The following SEPSECS variants were observed in gnomAD, a reference collection of about 807,000 sequenced individuals.
The protein encoded by SEPSECS is O-phosphoseryl-tRNA(Sec) selenium transferase.
In SEPSECS, 42 loss-of-function variants were observed where a neutral mutation model predicts 52.1. The observed-to-expected ratio is 0.81, with a 90% CI of 0.63 to 1.04. The LOEUF (loss-of-function observed/expected upper bound fraction) is 1.04, where lower values mean the gene tolerates loss of function less well. Ranked by LOEUF, SEPSECS falls within the 50% of genes least tolerant of loss-of-function variation. The pLI, the probability that SEPSECS is intolerant of heterozygous loss-of-function variation, is 0.00. For missense variants in SEPSECS, 590 were observed against 610.6 expected, an observed-to-expected ratio of 0.97 and a Z score of 0.36; for synonymous variants, 216 against 211.4, an observed-to-expected ratio of 1.02 and a Z score of -0.19.
chr4:25,160,340 C>G lies in SEPSECS; in HGVS notation c.30G>C (p.Glu10Asp). 6.5e-7 allele frequency: 1 copy of G among 1,548,606 alleles called. No homozygotes were observed. Among genetic ancestry groups the G allele is most frequent in the Non-Finnish European group, 8.7e-7 (1 of 1,145,622 alleles). Residue 10 changes from glutamate to aspartate, a missense_variant, in exon 1 of 11, where the codon GAG becomes GAC. Physicochemically the swap from Glu to Asp is conservative, Grantham distance 45. Transcript: ENST00000382103. ...GCACGTAAGCCGGCGACACCAGCCG[C>G]TCTCCCGCCGCGAAGCTCTCGCGGT... MNRESFAAG[E>D]RLVSPAYVRQ... is the part of the protein sequence containing the mutation.
intron 8 of SEPSECS, 104 bp downstream of exon 8, chr4:25,144,670 G>A: frequency 2.4e-6 from 2 of 822,348 alleles, no homozygotes; most frequent in Non-Finnish European, 4.3e-6. Flanking sequence ...GACCATACTA[G>A]ATGTCTCCCT....
intron 8 of SEPSECS, among the ~76,000 whole-genome samples, chr4:25,129,284 T>G (rs1728514612): frequency 6.6e-6 from 1 of 152,066 alleles, no homozygotes; most frequent in African/African-American, 2.4e-5. Context: ...CAAATGTCAT[T>G]ATCATTTCCA....
rs573217542 is a variant in SEPSECS at position 25,122,450 on chromosome 4, A to T, written c.*1481T>A. The T allele has an allele frequency of 2.0e-4, 30 of 152,340 alleles. No homozygotes were observed. Among genetic ancestry groups the T allele is most frequent in the African/African-American group, 6.5e-4 (27 of 41,596 alleles). The allele number at this position is 152,340 out of a possible 1,614,324, so 9.4% of individuals were successfully genotyped here. On this transcript the variant is annotated 3_prime_UTR_variant, in exon 11 of 11. Coordinates refer to ENST00000382103, the MANE Select transcript of SEPSECS (RefSeq NM_016955.4). ...CAGCATTCTCTACCATAGTGTTTTT[A>T]AAAGTATGTTCAATGGGCTGTTAAC...
intron 6 of SEPSECS, among the ~76,000 whole-genome samples, chr4:25,145,761 CCAAA>C (rs1242817213): frequency 1.3e-5 from 2 of 152,088 alleles, no homozygotes; most frequent in Admixed American, 6.6e-5. Flanking sequence ...ATCCGAGTTG[CCAAA>C]CAGTTAATTA....
In SEPSECS at chr4:25,151,969, G is replaced by C. The variant is rs765512621; in HGVS notation, c.795C>G (p.Leu265=). The change falls in exon 6 of 11, where the codon CTC becomes CTG. Residue 265 remains leucine (L), a synonymous_variant. Coordinates refer to ENST00000382103, the MANE Select transcript of SEPSECS (RefSeq NM_016955.4). ...YGVQSSKCMH[L]IQQGARVGRI... ...TTTTAAACTCTCTTACCTGCTGAAT[G>C]AGATGCATACACTTTGAAGACTGCA... is the stretch of plus-strand genomic sequence containing the variant. 2 of 1,536,172 alleles carry C rather than the reference G, an allele frequency of 1.3e-6. No individual in the cohort carries two copies. Among genetic ancestry groups the C allele is most frequent in the Non-Finnish European group, 1.8e-6 (2 of 1,109,372 alleles).
intron 3 of SEPSECS, among the ~76,000 whole-genome samples, 194 bp downstream of exon 3, chr4:25,156,662 C>G (rs762802810): frequency 3.4e-4 from 45 of 132,874 alleles, no homozygotes; most frequent in African/African-American, 5.0e-4. Context: ...GAGCCGAGAT[C>G]GCGCCACTGC....
At chr4:25,144,668 T>C (rs1303973902) in intron 8 of SEPSECS, 106 bp downstream of exon 8, 32 of 814,724 alleles carry the variant, frequency 3.9e-5, no homozygotes, top group Non-Finnish European at 6.3e-5. Context: ...CGGACCATAC[T>C]AGATGTCTCC....
chr4:25,142,775 A>G (rs758968264), intron 8 of SEPSECS, among the ~76,000 whole-genome samples: 2 of 152,248 alleles, frequency 1.3e-5, no homozygotes, highest in African/African-American at 2.4e-5. Flanking sequence ...TGTCTAATTT[A>G]TATTACCAAT....
At chr4:25,144,581 G>A (rs922114803) in intron 8 of SEPSECS, among the ~76,000 whole-genome samples, 193 bp downstream of exon 8, 3 of 150,590 alleles carry the variant, frequency 2.0e-5, no homozygotes, top group South Asian at 2.1e-4. Flanking sequence ...CAGATTCCTC[G>A]TAATATCTGG....
intron 2 of SEPSECS, among the ~76,000 whole-genome samples, chr4:25,157,232 C>T (rs1462561504): frequency 6.6e-6 from 1 of 152,230 alleles, no homozygotes; most frequent in Non-Finnish European, 1.5e-5. Context: ...GCTACTCCCA[C>T]ACCAAGAGAT....
Position 25,159,110 on chromosome 4 carries a change from TAAA to T in SEPSECS, c.115-6_115-4del, listed in dbSNP as rs34423002. On this transcript the variant is annotated splice_region_variant and splice_polypyrimidine_tract_variant and intron_variant, in intron 1 of 10. Transcript: ENST00000382103. ...CAGCCATTCTCTGGACACTTGCCCTTAAAAAAAAAAAAAAACTTATGATTATAT... is the reference window on the plus strand; with the variant it reads ...CAGCCATTCTCTGGACACTTGCCCTTAAAAAAAAAAAACTTATGATTATAT... 3.4e-5 allele frequency: 49 copies of T among 1,462,092 alleles called. No individual in the cohort carries two copies. The highest frequency in any genetic ancestry group is 4.1e-5 in the Non-Finnish European group (45 of 1,086,852). 90.6% of individuals were successfully genotyped at this position (1,462,092 alleles called of 1,614,324 possible). A position where few individuals can be genotyped will look rare whatever the true frequency, so the allele number is the denominator to read the frequency against.
chr4:25,139,540 C>T (rs1728977729), intron 8 of SEPSECS, among the ~76,000 whole-genome samples: 1 of 152,018 alleles, frequency 6.6e-6, no homozygotes, highest in Admixed American at 6.6e-5. Flanking sequence ...TGTGTGCCAC[C>T]ACACCCAGCT....
chr4:25,156,044 G>C lies in SEPSECS; in HGVS notation c.540C>G (p.Ile180Met), dbSNP rs2109033948. 1 of 1,613,486 alleles carries C rather than the reference G, an allele frequency of 6.2e-7. No individual in the cohort carries two copies. ...IDQKSCFKSM[I>M]TAGFEPVVIE... ...GTATGACACTTCTCTTACCTGCAGT[G>C]ATCATGGATTTAAAGCAGGACTTCT... The change falls in exon 4 of 11, where the codon ATC becomes ATG. Residue 180 changes from isoleucine to methionine, a missense_variant. Physicochemically the swap from Ile to Met is conservative, Grantham distance 10. Coordinates refer to ENST00000382103, the MANE Select transcript of SEPSECS (RefSeq NM_016955.4).
intron 8 of SEPSECS, among the ~76,000 whole-genome samples, chr4:25,132,223 T>C (rs1265670023): frequency 6.6e-6 from 1 of 152,208 alleles, no homozygotes; most frequent in Non-Finnish European, 1.5e-5. Context: ...CTAGATGAAA[T>C]AACCTCTAAA....
intron 5 of SEPSECS, among the ~76,000 whole-genome samples, chr4:25,152,980 A>G (rs895129007): frequency 1.3e-5 from 2 of 151,956 alleles, no homozygotes; most frequent in Non-Finnish European, 2.9e-5. Context: ...CGCATAATAC[A>G]TGTCCTATTT....
Position 25,160,447 on chromosome 4 carries a change from C to T in SEPSECS, c.-78G>A. On this transcript the variant is annotated 5_prime_UTR_variant, in exon 1 of 11. Transcript: ENST00000382103. ...GACACACGACGGAACCAGAATGCAA[C>T]TCGCCGCCTGGACGGTACGGCAGCG... The T allele has an allele frequency of 8.2e-7, 1 of 1,212,364 alleles. No individual in the cohort carries two copies. Among genetic ancestry groups the T allele is most frequent in the Non-Finnish European group, 1.2e-6 (1 of 855,158 alleles). 75.1% of individuals were successfully genotyped at this position (1,212,364 alleles called of 1,614,324 possible). A position where few individuals can be genotyped will look rare whatever the true frequency, so the allele number is the denominator to read the frequency against.
At chr4:25,159,132 A>T in intron 1 of SEPSECS, 25 bp from the exon 2 acceptor site, 1 of 1,497,744 alleles carries the variant, frequency 6.7e-7, no homozygotes, top group Non-Finnish European at 9.0e-7. Context: ...AAAACTTATG[A>T]TTATATTTAA....
chr4:25,140,164 C>G (rs1729002692), intron 8 of SEPSECS, among the ~76,000 whole-genome samples: 1 of 152,218 alleles, frequency 6.6e-6, no homozygotes, highest in Non-Finnish European at 1.5e-5. Context: ...GTGAACCAGG[C>G]TAGCCAGATC....
chr4:25,160,516 AC>A (rs1713017959), upstream of SEPSECS: 7 of 657,478 alleles, frequency 1.1e-5, no homozygotes, highest in Admixed American at 9.2e-5. Flanking sequence ...AACAAAAAAA[AC>A]ACTTCTCGTT....
Sources: gnomAD v4.1 joint callset for allele counts (sites outside exome capture counted in the v4.1 genomes callset) on GRCh38, gnomAD v4.1.1 for gene constraint, MANE v1.5 for transcripts, NCBI Gene and HGNC (gene_info 2026-07-23, HGNC 2026-07-21) for gene names.